The following SHISA9 variants were observed in gnomAD, a reference collection of about 807,000 sequenced individuals.
SHISA9 encodes protein shisa-9.
In SHISA9, 13 loss-of-function variants were observed where a neutral mutation model predicts 38.0. That is an observed-to-expected ratio of 0.34 (90% CI 0.22 to 0.54). SHISA9 has a LOEUF of 0.54. Among genes scored for constraint, SHISA9 ranks in the 20% least tolerant of loss-of-function variants. The probability of loss-of-function intolerance (pLI) is 0.91; values close to 1 mark genes in which losing one functional copy is unlikely to be tolerated. For missense variants in SHISA9, 538 were observed against 575.8 expected (o/e 0.93, Z 0.67); for synonymous variants, 275 against 242.0 (o/e 1.14, Z -1.27).
chr16:13,094,210 T>C (rs2073803597), intron 2 of SHISA9, among the ~76,000 whole-genome samples: 1 of 152,082 alleles, frequency 6.6e-6, no homozygotes, highest in Non-Finnish European at 1.5e-5. Flanking sequence ...CTGATACGAG[T>C]TGTGGGTAGA....
chr16:12,970,418 C>CGTATATAT (rs2072054029), intron 2 of SHISA9, among the ~76,000 whole-genome samples: 1 of 9,586 alleles, frequency 1.0e-4, no homozygotes, highest in Admixed American at 2.6e-3. Context: ...TATATATATA[C>CGTATATAT]ACATATATGT....
chr16:13,410,002 A>C, the SHISA9 span, among the ~76,000 whole-genome samples: 1 of 152,238 alleles, frequency 6.6e-6, no homozygotes, highest in Admixed American at 6.5e-5. Context: ...CGCATATAAC[A>C]AGCCTTGAAA....
intron 2 of SHISA9, among the ~76,000 whole-genome samples, chr16:13,072,063 G>A (rs1426915081): frequency 6.6e-6 from 1 of 152,168 alleles, no homozygotes; most frequent in African/African-American, 2.4e-5. Context: ...GCAGTGCCCG[G>A]GGACTAAATG....
intron 2 of SHISA9, among the ~76,000 whole-genome samples, chr16:12,970,382 CATATATGTATATATATATAT>C (rs1567356953): frequency 8.4e-5 from 3 of 35,564 alleles, no homozygotes; most frequent in Non-Finnish European, 1.0e-4. Flanking sequence ...TATATATATA[CATATATGTATATATATATAT>C]ACATATATAT....
At chr16:13,370,588 T>C in the SHISA9 span, among the ~76,000 whole-genome samples, 64 of 152,324 alleles carry the variant, frequency 4.2e-4, 1 homozygote, top group Middle Eastern at 6.8e-3. Context: ...ATTATCCTAA[T>C]TGTACGGAAA....
At chr16:13,496,746 CA>C in the SHISA9 span, among the ~76,000 whole-genome samples, 8 of 151,076 alleles carry the variant, frequency 5.3e-5, no homozygotes, top group African/African-American at 1.7e-4. Context: ...TTAGAAAATA[CA>C]AAAAAAATCC....
At chr16:12,912,752 C>A (rs1008860539) in intron 1 of SHISA9, among the ~76,000 whole-genome samples, 20 of 152,214 alleles carry the variant, frequency 1.3e-4, no homozygotes, top group African/African-American at 4.8e-4. Context: ...AATCCCCGCA[C>A]TGCTTAGTGA....
At chr16:13,228,494 T>C (rs918402015) in intron 4 of SHISA9, among the ~76,000 whole-genome samples, 2 of 152,194 alleles carry the variant, frequency 1.3e-5, no homozygotes, top group Non-Finnish European at 2.9e-5. Context: ...AACCATTGAA[T>C]GCATCCCTTG....
intron 2 of SHISA9, among the ~76,000 whole-genome samples, chr16:13,132,565 A>G (rs1017875140): frequency 2.6e-5 from 4 of 152,086 alleles, no homozygotes; most frequent in African/African-American, 9.7e-5. Context: ...CCCATCTGTG[A>G]CAACCAAAAT....
chr16:12,979,542 G>A (rs550413353), intron 2 of SHISA9, among the ~76,000 whole-genome samples: 73 of 152,162 alleles, frequency 4.8e-4, no homozygotes, highest in African/African-American at 1.6e-3. Context: ...GTCTTGGTTC[G>A]TCATTTACTT....
intron 2 of SHISA9, among the ~76,000 whole-genome samples, chr16:13,155,522 T>G (rs2050536386): frequency 6.6e-6 from 1 of 152,184 alleles, no homozygotes; most frequent in African/African-American, 2.4e-5. Context: ...GTCTCCTCAT[T>G]AGCTCTACCA....
the SHISA9 span, among the ~76,000 whole-genome samples, chr16:13,278,271 T>A: frequency 2.6e-5 from 4 of 152,158 alleles, no homozygotes; most frequent in Middle Eastern, 3.2e-3. Flanking sequence ...GAAATCCACT[T>A]GATCATGGTG....
At chr16:13,544,447 T>TTC in the SHISA9 span, among the ~76,000 whole-genome samples, 135 of 144,230 alleles carry the variant, frequency 9.4e-4, 3 homozygotes, top group African/African-American at 2.3e-3. Context: ...TTTTTTTTTT[T>TTC]CCCCGCTGGA....
the SHISA9 span, among the ~76,000 whole-genome samples, chr16:13,537,200 G>A: frequency 6.6e-6 from 1 of 152,110 alleles, no homozygotes; most frequent in Admixed American, 6.6e-5. Context: ...GGCCTACGGG[G>A]GCAAATCACT....
chr16:13,386,072 A>T, the SHISA9 span, among the ~76,000 whole-genome samples: 3 of 152,222 alleles, frequency 2.0e-5, no homozygotes, highest in African/African-American at 7.2e-5. Context: ...GACGGTGCCC[A>T]TGGATATATG....
chr16:13,505,364 C>G, the SHISA9 span, among the ~76,000 whole-genome samples: 2 of 152,152 alleles, frequency 1.3e-5, no homozygotes, highest in African/African-American at 2.4e-5. Context: ...TTGATCACCT[C>G]TATGGAGACC....
chr16:13,345,070 T>C, the SHISA9 span, among the ~76,000 whole-genome samples: 1 of 152,188 alleles, frequency 6.6e-6, no homozygotes, highest in Non-Finnish European at 1.5e-5. Context: ...GTTTAGTGGG[T>C]CACCCAAGCT....
chr16:13,071,142 G>A (rs2073508808), intron 2 of SHISA9, among the ~76,000 whole-genome samples: 1 of 150,878 alleles, frequency 6.6e-6, no homozygotes, highest in African/African-American at 2.5e-5. Context: ...TTTAATGACA[G>A]AGAACCGTGC....
At chr16:13,328,591 T>TACACAC in the SHISA9 span, among the ~76,000 whole-genome samples, 377 of 139,966 alleles carry the variant, frequency 2.7e-3, no homozygotes, top group Middle Eastern at 3.7e-3. Flanking sequence ...TATATGTGTA[T>TACACAC]ACACACACAC....
Sources: allele counts gnomAD v4.1 joint callset (sites outside exome capture counted in the v4.1 genomes callset), GRCh38; gene constraint gnomAD v4.1.1; transcripts MANE v1.5; gene names NCBI Gene and HGNC (gene_info 2026-07-23, HGNC 2026-07-21).